Variants in DLGAP2 observed in about 807,000 individuals in gnomAD.
DLGAP2 encodes the protein DLG associated protein 2.
DLGAP2 carries 26 observed loss-of-function variants against 100.3 expected under a neutral mutation model. The observed-to-expected ratio is 0.26, with a 90% CI of 0.19 to 0.36. The LOEUF (loss-of-function observed/expected upper bound fraction) is 0.36, where lower values mean the gene tolerates loss of function less well. Among genes scored for constraint, DLGAP2 ranks in the 10% least tolerant of loss-of-function variants. The probability of loss-of-function intolerance (pLI) is 1.00; values close to 1 mark genes in which losing one functional copy is unlikely to be tolerated. For missense variants in DLGAP2, 1,858 were observed against 1,453.2 expected, an observed-to-expected ratio of 1.28 and a Z score of -4.53; for synonymous variants, 886 against 630.1, an observed-to-expected ratio of 1.41 and a Z score of -6.08.
chr8:1,406,961 T>C (rs867195858), intron 3 of DLGAP2, among the ~76,000 whole-genome samples: 78 of 31,464 alleles, frequency 2.5e-3, no homozygotes, highest in Non-Finnish European at 2.8e-3. Context: ...GCCACCTCCT[T>C]GTCCTCCGGA....
intron 3 of DLGAP2, among the ~76,000 whole-genome samples, chr8:1,385,966 G>C (rs112729649): frequency 6.6e-6 from 1 of 152,286 alleles, no homozygotes; most frequent in African/African-American, 2.4e-5. Flanking sequence ...CCTAATACTG[G>C]AATCAATGAG....
At chr8:1,193,420 C>G (rs1394207228) in intron 2 of DLGAP2, among the ~76,000 whole-genome samples, 1 of 152,128 alleles carries the variant, frequency 6.6e-6, no homozygotes, top group Non-Finnish European at 1.5e-5. Flanking sequence ...TGTCTGATGG[C>G]CAGTGATGAT....
intron 1 of DLGAP2, among the ~76,000 whole-genome samples, chr8:847,412 T>G (rs1043077422): frequency 6.6e-6 from 1 of 152,204 alleles, no homozygotes; most frequent in African/African-American, 2.4e-5. Context: ...TGAGATATAT[T>G]TTACACTTTT....
At chr8:1,159,236 T>A (rs1220221510) in intron 2 of DLGAP2, among the ~76,000 whole-genome samples, 2 of 152,244 alleles carry the variant, frequency 1.3e-5, no homozygotes, top group Non-Finnish European at 2.9e-5. Context: ...TGGTTCTTGT[T>A]CCATCTATGA....
intron 8 of DLGAP2, among the ~76,000 whole-genome samples, chr8:1,640,210 C>A (rs1436841900): frequency 6.6e-6 from 1 of 152,114 alleles, no homozygotes; most frequent in Non-Finnish European, 1.5e-5. Flanking sequence ...CCAGGTTGAT[C>A]CTGATGAAGA....
At chr8:1,627,479 C>T (rs892436285) in intron 7 of DLGAP2, among the ~76,000 whole-genome samples, 1 of 152,202 alleles carries the variant, frequency 6.6e-6, no homozygotes, top group African/African-American at 2.4e-5. Flanking sequence ...CTGTGGTGGA[C>T]GGGCCTGAGA....
chr8:1,184,464 A>C (rs1259497964), intron 2 of DLGAP2, among the ~76,000 whole-genome samples: 1 of 152,208 alleles, frequency 6.6e-6, no homozygotes, highest in Non-Finnish European at 1.5e-5. Flanking sequence ...GAAGAGGCTG[A>C]GGCCATTCTT....
chr8:1,527,928 A>G (rs1240099109), intron 4 of DLGAP2, among the ~76,000 whole-genome samples: 1 of 152,238 alleles, frequency 6.6e-6, no homozygotes, highest in Non-Finnish European at 1.5e-5. Context: ...CTGCAAAAAA[A>G]AAAAAGTTCA....
chr8:922,144 C>T (rs773629732), intron 2 of DLGAP2, among the ~76,000 whole-genome samples: 5 of 152,146 alleles, frequency 3.3e-5, no homozygotes, highest in African/African-American at 7.2e-5. Flanking sequence ...TCAGAGGCGC[C>T]GAGTTTTTGG....
At chr8:1,221,192 C>T (rs1433539480) in intron 2 of DLGAP2, among the ~76,000 whole-genome samples, 5 of 152,126 alleles carry the variant, frequency 3.3e-5, no homozygotes, top group Admixed American at 6.6e-5. Flanking sequence ...TTTTTAGTGT[C>T]AGTGGACTAT....
intron 3 of DLGAP2, among the ~76,000 whole-genome samples, chr8:1,272,872 AG>A (rs955887034): frequency 2.0e-5 from 3 of 152,184 alleles, no homozygotes; most frequent in East Asian, 1.9e-4. Context: ...TGGGGGCAGA[AG>A]GGTGTGTAGT....
chr8:888,290 A>G (rs1797961500), intron 1 of DLGAP2, among the ~76,000 whole-genome samples: 1 of 152,194 alleles, frequency 6.6e-6, no homozygotes, highest in Non-Finnish European at 1.5e-5. Context: ...CTAACCTTTT[A>G]TCAAGGTTCT....
chr8:1,483,733 T>A, intron 3 of DLGAP2, among the ~76,000 whole-genome samples: 1 of 150,794 alleles, frequency 6.6e-6, no homozygotes, highest in African/African-American at 2.4e-5. Flanking sequence ...GGAAGGCAGG[T>A]GCAGAATGTG....
intron 1 of DLGAP2, among the ~76,000 whole-genome samples, chr8:885,304 C>G (rs1213351128): frequency 5.3e-5 from 8 of 152,172 alleles, no homozygotes; most frequent in Non-Finnish European, 1.0e-4. Flanking sequence ...TTTCCTTGAG[C>G]AGTGGTTTAA....
At chr8:1,565,443 T>C (rs1802357930) in intron 5 of DLGAP2, 1 of 413,322 alleles carries the variant, frequency 2.4e-6, no homozygotes, top group Non-Finnish European at 4.2e-6. Flanking sequence ...TCTCTTACTT[T>C]TCTCACATGT....
intron 2 of DLGAP2, among the ~76,000 whole-genome samples, chr8:908,954 A>G (rs563808462): frequency 4.6e-5 from 7 of 151,902 alleles, no homozygotes; most frequent in Non-Finnish European, 1.0e-4. Context: ...CTGTTGACTC[A>G]CCACTAAGAA....
chr8:878,169 A>G (rs956873411), intron 1 of DLGAP2, among the ~76,000 whole-genome samples: 38 of 152,304 alleles, frequency 2.5e-4, no homozygotes, highest in African/African-American at 8.7e-4. Flanking sequence ...AGACTTGAAT[A>G]TATTTAAGTA....
chr8:1,549,196 G>T lies in DLGAP2; in HGVS notation c.743G>T (p.Gly248Val). ...KLFTKSHSLE[G>V]SSKSNANGTK... Reference sequence around the variant, plus strand: ...TTCACCAAGTCGCACTCGCTGGAGGGCTCCTCCAAAAGCAACGCCAACGGC... The same window carrying T: ...TTCACCAAGTCGCACTCGCTGGAGGTCTCCTCCAAAAGCAACGCCAACGGC... The change falls in exon 5 of 15, where the codon GGC becomes GTC. Residue 248 changes from glycine (G) to valine (V), a missense_variant. By Grantham distance (109) the Gly-to-Val change is moderately radical. Transcript: ENST00000637795. 2 of 1,600,728 alleles carry T rather than the reference G, an allele frequency of 1.2e-6. No homozygotes were observed. The highest frequency in any genetic ancestry group is 1.7e-4 in the Middle Eastern group (1 of 6,056).
At chr8:1,109,208 A>G (rs542041615) in intron 2 of DLGAP2, among the ~76,000 whole-genome samples, 143 of 7,868 alleles carry the variant, frequency 0.018, 1 homozygote, top group African/African-American at 0.11. Context: ...GTGCCTATGA[A>G]GTGTGCTGGA....
Sources: gnomAD v4.1 joint callset for allele counts (sites outside exome capture counted in the v4.1 genomes callset) on GRCh38, gnomAD v4.1.1 for gene constraint, MANE v1.5 for transcripts, NCBI Gene and HGNC (gene_info 2026-07-23, HGNC 2026-07-21) for gene names.